Variants in ACACA observed in about 807,000 individuals in gnomAD.
ACACA encodes the protein acetyl-CoA carboxylase alpha, also known as acetyl-CoA carboxylase 1.
In ACACA, 103 loss-of-function variants were observed where a neutral mutation model predicts 296.1. That is an observed-to-expected ratio of 0.35 (90% CI 0.30 to 0.41). The LOEUF is 0.41. Ranked by LOEUF, ACACA falls within the 10% of genes least tolerant of loss-of-function variation. The pLI, the probability that ACACA is intolerant of heterozygous loss-of-function variation, is 1.00. For missense variants in ACACA, 1,554 were observed against 2,989.7 expected (o/e 0.52, Z 11.20); for synonymous variants, 953 against 1,038.6 (o/e 0.92, Z 1.58).
chr17:37,256,542 G>T (rs553827963), intron 14 of ACACA, among the ~76,000 whole-genome samples: 218 of 152,248 alleles, frequency 1.4e-3, no homozygotes, highest in African/African-American at 4.9e-3. Flanking sequence ...AGACTAGCCT[G>T]GGCAACAAAG....
chr17:37,367,734 C>T (rs539467464), intron 1 of ACACA: 1 of 152,172 alleles, frequency 6.6e-6, no homozygotes, highest in South Asian at 2.1e-4. Flanking sequence ...TATTAGTAAT[C>T]GATACAGAAC....
chr17:37,354,135 T>C (rs1597688931), intron 1 of ACACA, among the ~76,000 whole-genome samples: 1 of 152,256 alleles, frequency 6.6e-6, no homozygotes, highest in Middle Eastern at 3.4e-3. Flanking sequence ...TTATACAATT[T>C]TATTCTATCT....
intron 41 of ACACA, among the ~76,000 whole-genome samples, chr17:37,167,869 T>C (rs1295104437): frequency 6.6e-6 from 1 of 152,188 alleles, no homozygotes; most frequent in East Asian, 1.9e-4. Flanking sequence ...CCTGAAAATC[T>C]AAAATTATTT....
chr17:37,192,896 T>C (rs2077822420), intron 36 of ACACA, among the ~76,000 whole-genome samples: 1 of 152,238 alleles, frequency 6.6e-6, no homozygotes, highest in African/African-American at 2.4e-5. Context: ...ACTGTATATG[T>C]ACTGTATGTT....
intron 3 of ACACA, among the ~76,000 whole-genome samples, chr17:37,329,793 T>C (rs1317019116): frequency 6.6e-6 from 1 of 150,804 alleles, no homozygotes; most frequent in Non-Finnish European, 1.5e-5. Context: ...CACAAAAAAT[T>C]AGCTGGGCAT....
intron 3 of ACACA, among the ~76,000 whole-genome samples, chr17:37,325,321 G>A (rs577779220): frequency 1.4e-3 from 212 of 150,232 alleles, no homozygotes; most frequent in African/African-American, 4.9e-3. Flanking sequence ...AGCCAAGATC[G>A]CGCCATTGCA....
At chr17:37,255,838 C>CT (rs2081201904) in intron 14 of ACACA, among the ~76,000 whole-genome samples, 1 of 152,162 alleles carries the variant, frequency 6.6e-6, no homozygotes, top group Non-Finnish European at 1.5e-5. Flanking sequence ...CCTCAGCCTC[C>CT]TGGGTTCCAG....
intron 25 of ACACA, among the ~76,000 whole-genome samples, chr17:37,232,864 A>C (rs1024404520): frequency 4.2e-4 from 63 of 150,818 alleles, no homozygotes; most frequent in African/African-American, 1.3e-3. Context: ...AACCGTCCTT[A>C]TCCTCCTCCT....
intron 3 of ACACA, among the ~76,000 whole-genome samples, chr17:37,322,590 C>T (rs2047406133): frequency 6.6e-6 from 1 of 152,294 alleles, no homozygotes. Flanking sequence ...CAAGACCACT[C>T]TGGCCTGCAA....
intron 52 of ACACA, among the ~76,000 whole-genome samples, chr17:37,099,374 T>A (rs1330701682): frequency 1.3e-5 from 2 of 152,136 alleles, no homozygotes; most frequent in African/African-American, 4.8e-5. Flanking sequence ...CTGAACAGCA[T>A]GAACGCACCG....
At chr17:37,269,762 G>GAAAAAAAA (rs1567915541) in intron 10 of ACACA, among the ~76,000 whole-genome samples, 1 of 80,586 alleles carries the variant, frequency 1.2e-5, no homozygotes, top group African/African-American at 9.5e-5. Context: ...GTGTTTTAAG[G>GAAAAAAAA]GAAAAAAAAA....
At chr17:37,386,982 T>C (rs1227086881) in intron 1 of ACACA, 1 of 152,214 alleles carries the variant, frequency 6.6e-6, no homozygotes, top group Non-Finnish European at 1.5e-5. Flanking sequence ...CATGTTCAGC[T>C]AATTTTTAAA....
chr17:37,086,113 G>A lies in ACACA; in HGVS notation c.*1203C>T. On this transcript the variant is annotated 3_prime_UTR_variant, in exon 56 of 56. Transcript: ENST00000616317. ...ATGACTGAGTTGTAAATAATCTTAA[G>A]GTCATGTGGATTCTGTGTTTCCTGG... 1 of 271,122 alleles carries A rather than the reference G, an allele frequency of 3.7e-6. No homozygotes were observed. The allele number at this position is 271,122 out of a possible 1,614,324, so 16.8% of individuals were successfully genotyped here.
At chr17:37,162,483 T>C in intron 41 of ACACA, 1 of 304,202 alleles carries the variant, frequency 3.3e-6, no homozygotes, top group Non-Finnish European at 6.3e-6. Context: ...GGGCCTGGTG[T>C]GAGGTGTTTG....
chr17:37,337,745 G>A (rs1013743621), intron 2 of ACACA, among the ~76,000 whole-genome samples: 19 of 151,432 alleles, frequency 1.3e-4, no homozygotes, highest in Non-Finnish European at 2.7e-4. Flanking sequence ...GAGCCACTGA[G>A]CCCAGCCTAA....
In ACACA at chr17:37,284,835, T is replaced by C; in HGVS notation, c.471+3A>G. 6.2e-7 allele frequency: 1 copy of C among 1,614,188 alleles called. No individual in the cohort carries two copies. Among genetic ancestry groups the C allele is most frequent in the Non-Finnish European group, 8.5e-7 (1 of 1,180,028 alleles). ...CAAAATAATTCAGCAAGTTACAACT[T>C]ACCTTCTCAATCACTTTATTTCCCC... On this transcript the variant is annotated splice_donor_region_variant and intron_variant, in intron 4 of 55. Coordinates refer to ENST00000616317, the MANE Select transcript of ACACA (RefSeq NM_198834.3).
At chr17:37,225,228 C>T (rs897713986) in intron 26 of ACACA, 123 bp from the exon 27 acceptor site, 3 of 691,872 alleles carry the variant, frequency 4.3e-6, no homozygotes, top group Non-Finnish European at 8.0e-6. Context: ...ACAGATAAAA[C>T]AGAGACCAAG....
intron 41 of ACACA, among the ~76,000 whole-genome samples, chr17:37,171,943 A>G (rs957108523): frequency 6.6e-6 from 1 of 152,190 alleles, no homozygotes; most frequent in Non-Finnish European, 1.5e-5. Flanking sequence ...AAATTAACCA[A>G]GTTGGCCTAC....
chr17:37,181,465 T>C, intron 39 of ACACA, 109 bp from the exon 40 acceptor site: 1 of 1,221,214 alleles, frequency 8.2e-7, no homozygotes, highest in Non-Finnish European at 1.2e-6. Context: ...ACATTTTTGG[T>C]AGGTTGAGTA....
Sources: allele counts gnomAD v4.1 joint callset (sites outside exome capture counted in the v4.1 genomes callset), GRCh38; gene constraint gnomAD v4.1.1; transcripts MANE v1.5; gene names NCBI Gene and HGNC (gene_info 2026-07-23, HGNC 2026-07-21).